The following MFSD6 variants were observed in gnomAD, a reference collection of about 807,000 sequenced individuals.
MFSD6 encodes the protein major facilitator superfamily domain-containing protein 6.
Under a neutral mutation model 56.3 loss-of-function variants are expected in MFSD6, and 26 were observed. The observed-to-expected ratio is 0.46, with a 90% CI of 0.34 to 0.64. The LOEUF (loss-of-function observed/expected upper bound fraction) is 0.64. Among genes scored for constraint, MFSD6 ranks in the 30% least tolerant of loss-of-function variants. MFSD6 has a pLI of 0.01. For synonymous variants in MFSD6, 331 were observed against 366.9 expected, an observed-to-expected ratio of 0.90 and a Z score of 1.12; for missense variants, 750 against 986.2, an observed-to-expected ratio of 0.76 and a Z score of 3.21.
intron 2 of MFSD6, 135 bp from the exon 3 acceptor site, chr2:190,435,842 A>C: frequency 1.3e-6 from 1 of 773,332 alleles, no homozygotes; most frequent in Non-Finnish European, 1.9e-6. Flanking sequence ...TGTGGCTGCA[A>C]GTGATAAATG....
chr2:190,445,682 C>T (rs188519220), intron 3 of MFSD6, among the ~76,000 whole-genome samples: 1 of 152,088 alleles, frequency 6.6e-6, no homozygotes, highest in Non-Finnish European at 1.5e-5. Flanking sequence ...AACATAAGGT[C>T]TTTTTCCTCT....
chr2:190,465,722 G>A lies in MFSD6; in HGVS notation c.1533-4036G>A, dbSNP rs891839332. On this transcript the variant is annotated intron_variant, in intron 3 of 7. Transcript: ENST00000392328. The surrounding 1 kb of genome is among the most constrained non-coding windows in gnomAD (Gnocchi z 4.6). ...AAACAGAAGTTTATGGCCGGGCGTG[G>A]TGGCTCACGCCTATAATCCCAGCAC... Among the ~76,000 whole-genome samples the A allele has an allele frequency of 2.0e-5, 3 of 152,112 alleles. No homozygotes were observed. The highest frequency in any genetic ancestry group is 4.8e-5 in the African/African-American group (2 of 41,432).
chr2:190,485,332 G>T lies in MFSD6; in HGVS notation c.1631-3325G>T, dbSNP rs945230944. On this transcript the variant is annotated intron_variant, in intron 4 of 7. Transcript: ENST00000392328. The surrounding 1 kb of genome is among the most constrained non-coding windows in gnomAD (Gnocchi z 5.1). ...TTGGTTGCTTGTAAATCCTGCAATT[G>T]ATTGCTTAGACATACACATAACAAG... Among the ~76,000 whole-genome samples the T allele has an allele frequency of 4.6e-5, 7 of 152,072 alleles. No individual in the cohort carries two copies. Among genetic ancestry groups the T allele is most frequent in the African/African-American group, 1.7e-4 (7 of 41,414 alleles).
chr2:190,495,705 C>T lies in MFSD6; in HGVS notation c.1892-1734C>T, dbSNP rs1408454964. Among the ~76,000 whole-genome samples the T allele has an allele frequency of 6.6e-6, 1 of 152,040 alleles. No individual in the cohort carries two copies. Among genetic ancestry groups the T allele is most frequent in the African/African-American group, 2.4e-5 (1 of 41,408 alleles). On this transcript the variant is annotated intron_variant, in intron 6 of 7. Transcript: ENST00000392328. The surrounding 1 kb of genome is among the most constrained non-coding windows in gnomAD (Gnocchi z 4.7). ...CATAAATAAAGCCAAATACAGCCAA[C>T]TGATATTTGACAAAGCAAACAGAAA...
intron 4 of MFSD6, among the ~76,000 whole-genome samples, chr2:190,473,207 T>C (rs1348308762): frequency 1.3e-5 from 2 of 152,156 alleles, no homozygotes; most frequent in African/African-American, 4.8e-5. Context: ...GCTAACATCA[T>C]AATGACAGGA....
chr2:190,421,084 G>A (rs1451416449), intron 2 of MFSD6, among the ~76,000 whole-genome samples: 1 of 152,058 alleles, frequency 6.6e-6, no homozygotes, highest in South Asian at 2.1e-4. Context: ...TAATATTTTG[G>A]GAGAAAGTCA....
At chr2:190,455,253 T>C (rs1309704707) in intron 3 of MFSD6, among the ~76,000 whole-genome samples, 2 of 150,632 alleles carry the variant, frequency 1.3e-5, no homozygotes, top group Non-Finnish European at 3.0e-5. Flanking sequence ...ATGACTTTCA[T>C]TATTACTATT....
upstream of MFSD6, chr2:190,408,266 G>C (rs1049504447): frequency 6.6e-6 from 1 of 151,854 alleles, no homozygotes; most frequent in Non-Finnish European, 1.5e-5. Flanking sequence ...AGGTCGCGCC[G>C]GCGGGAGCGC....
At chr2:190,432,822 GC>G (rs1218656262) in intron 2 of MFSD6, among the ~76,000 whole-genome samples, 2 of 34,756 alleles carry the variant, frequency 5.8e-5, no homozygotes, top group Admixed American at 3.4e-4. Context: ...TGCCACCCCC[GC>G]CCCCCAACAC....
chr2:190,429,999 T>TCC (rs1685912579), intron 2 of MFSD6, among the ~76,000 whole-genome samples: 2 of 141,540 alleles, frequency 1.4e-5, no homozygotes, highest in Admixed American at 7.3e-5. Flanking sequence ...CTCCCCCAGC[T>TCC]CCCCACCCCC....
intron 4 of MFSD6, among the ~76,000 whole-genome samples, chr2:190,476,052 G>C (rs1482194790): frequency 8.6e-5 from 13 of 151,780 alleles, no homozygotes. Flanking sequence ...ACCTTATACA[G>C]AAATTAATTC....
Position 190,457,380 on chromosome 2 carries a change from C to A in MFSD6, c.1533-12378C>A, listed in dbSNP as rs1424380299. ...GCTGGTTTTAGTATGTGAAAAAAAC[C>A]ACCTAGCAGACCCCACTTCTTCCTG... On this transcript the variant is annotated intron_variant, in intron 3 of 7. Transcript: ENST00000392328. The surrounding 1 kb of genome is among the most constrained non-coding windows in gnomAD (Gnocchi z 5.1). 6.6e-6 allele frequency among the ~76,000 whole-genome samples: 1 copy of A among 152,150 alleles called. No homozygotes were observed. Among genetic ancestry groups the A allele is most frequent in the African/African-American group, 2.4e-5 (1 of 41,428 alleles).
intron 4 of MFSD6, among the ~76,000 whole-genome samples, chr2:190,486,618 T>G (rs1302308979): frequency 6.6e-6 from 1 of 152,238 alleles, no homozygotes; most frequent in Non-Finnish European, 1.5e-5. Flanking sequence ...TCTCATATGT[T>G]TTGTCCGGTT....
rs571028337 is a variant in MFSD6, at chr2:190,447,425, T to G, written c.1532+9864T>G. Among the ~76,000 whole-genome samples the G allele has an allele frequency of 5.3e-5, 8 of 152,320 alleles. No individual in the cohort carries two copies. The South Asian group carries it at 1.7e-3, about 32-fold the overall frequency. Reference sequence around the variant, plus strand: ...TTTGTTAAAATATGGCATTTATGGATTATTCCTGTACTGCTAAGTCCTCTG... The same window carrying G: ...TTTGTTAAAATATGGCATTTATGGAGTATTCCTGTACTGCTAAGTCCTCTG... On this transcript the variant is annotated intron_variant, in intron 3 of 7. Coordinates refer to ENST00000392328, the MANE Select transcript of MFSD6 (RefSeq NM_017694.4). The surrounding 1 kb of genome is among the most constrained non-coding windows in gnomAD (Gnocchi z 4.5).
chr2:190,474,587 CAA>C (rs1230608088), intron 4 of MFSD6, among the ~76,000 whole-genome samples: 2 of 151,928 alleles, frequency 1.3e-5, no homozygotes, highest in Non-Finnish European at 2.9e-5. Flanking sequence ...GCTTACCAAC[CAA>C]AAAAAGTCCA....
At chr2:190,432,209 G>C (rs979132450) in intron 2 of MFSD6, among the ~76,000 whole-genome samples, 2 of 152,194 alleles carry the variant, frequency 1.3e-5, no homozygotes, top group Non-Finnish European at 2.9e-5. Flanking sequence ...AGGCTAACCA[G>C]ATTTTCTAGA....
At chr2:190,453,984 G>T (rs1352586662) in intron 3 of MFSD6, 3 of 152,182 alleles carry the variant, frequency 2.0e-5, no homozygotes, top group Non-Finnish European at 2.9e-5. Context: ...GAAGATTCTT[G>T]TATCTTTTAT....
At chr2:190,474,513 C>A (rs547913252) in intron 4 of MFSD6, among the ~76,000 whole-genome samples, 3 of 152,176 alleles carry the variant, frequency 2.0e-5, no homozygotes, top group Admixed American at 2.0e-4. Flanking sequence ...AAGACTAAAC[C>A]AGGAAGAAGT....
At position 190,500,746 on chromosome 2, in the gene MFSD6, A is replaced by T. The variant is rs1689986430; in HGVS notation, c.*528A>T. ...TAAAAGTAGCACATGTGCTTTTGTT[A>T]AAAATAAAGTTAAAAGTTAAAGTTA... On this transcript the variant is annotated 3_prime_UTR_variant, in exon 8 of 8. Transcript: ENST00000392328. The surrounding 1 kb of genome is among the most constrained non-coding windows in gnomAD (Gnocchi z 5.3). 1.3e-5 allele frequency: 2 copies of T among 153,018 alleles called. No individual in the cohort carries two copies. The highest frequency in any genetic ancestry group is 4.1e-4 in the South Asian group (2 of 4,848). The allele number at this position is 153,018 out of a possible 1,614,324, so 9.5% of individuals were successfully genotyped here.
Sources: allele counts gnomAD v4.1 joint callset (sites outside exome capture counted in the v4.1 genomes callset), GRCh38; gene constraint gnomAD v4.1.1; non-coding constraint Gnocchi (gnomAD v3.1); transcripts MANE v1.5; gene names NCBI Gene and HGNC (gene_info 2026-07-23, HGNC 2026-07-21).